XYLT1: variants seen among roughly 807,000 people sequenced by gnomAD.
XYLT1 encodes the protein xylosyltransferase 1.
A neutral mutation model predicts 91.3 loss-of-function variants in XYLT1; 36 were observed. The ratio of observed to expected loss-of-function variants is 0.39; its 90% CI spans 0.30 to 0.52. The LOEUF (loss-of-function observed/expected upper bound fraction) is 0.52. Ranked by LOEUF, XYLT1 falls within the 20% of genes least tolerant of loss-of-function variation. XYLT1 has a pLI of 0.68. For missense variants in XYLT1, 1,242 were observed against 1,284.5 expected (o/e 0.97, Z 0.51); for synonymous variants, 588 against 532.0 (o/e 1.11, Z -1.45).
chr16:17,405,411 G>A (rs894714121), intron 1 of XYLT1, among the ~76,000 whole-genome samples: 19 of 152,282 alleles, frequency 1.2e-4, no homozygotes, highest in South Asian at 4.1e-4. Flanking sequence ...CCACGAGGCC[G>A]GAGCGGCTGA....
intron 1 of XYLT1, among the ~76,000 whole-genome samples, chr16:17,359,253 C>A (rs1308862291): frequency 6.6e-6 from 1 of 152,168 alleles, no homozygotes; most frequent in Non-Finnish European, 1.5e-5. Flanking sequence ...CAGTTTGAAG[C>A]TTTGCTTTGT....
At chr16:17,245,237 C>T (rs2033418001) in intron 3 of XYLT1, among the ~76,000 whole-genome samples, 1 of 152,138 alleles carries the variant, frequency 6.6e-6, no homozygotes, top group African/African-American at 2.4e-5. Context: ...ATTATTTGGG[C>T]AAGTTCTTAA....
At chr16:17,287,939 C>T (rs1477658145) in intron 2 of XYLT1, among the ~76,000 whole-genome samples, 6 of 144,646 alleles carry the variant, frequency 4.1e-5, no homozygotes, top group South Asian at 2.2e-4. Flanking sequence ...CATAATTTTT[C>T]TTTTTTTTTT....
At chr16:17,213,800 A>G (rs1330303091) in intron 3 of XYLT1, among the ~76,000 whole-genome samples, 1 of 151,902 alleles carries the variant, frequency 6.6e-6, no homozygotes, top group Admixed American at 6.6e-5. Context: ...TTGTATTTTT[A>G]GTAGAGACAG....
At chr16:17,112,837 G>A (rs1597126770) in intron 11 of XYLT1, among the ~76,000 whole-genome samples, 1 of 152,152 alleles carries the variant, frequency 6.6e-6, no homozygotes, top group East Asian at 1.9e-4. Context: ...CTATGATAGA[G>A]GATTGATTGA....
intron 1 of XYLT1, among the ~76,000 whole-genome samples, chr16:17,423,264 C>A (rs1360143840): frequency 6.6e-6 from 1 of 152,178 alleles, no homozygotes; most frequent in African/African-American, 2.4e-5. Flanking sequence ...TCCCCAGCAG[C>A]GCCTGATGTT....
intron 2 of XYLT1, among the ~76,000 whole-genome samples, chr16:17,337,796 T>TTG (rs397950983): frequency 5.4e-5 from 8 of 148,144 alleles, no homozygotes; most frequent in Admixed American, 1.4e-4. Context: ...TTTTTTTTTT[T>TTG]GTGAGACAGA....
At chr16:17,264,225 C>T (rs1249644478) in intron 2 of XYLT1, among the ~76,000 whole-genome samples, 1 of 152,172 alleles carries the variant, frequency 6.6e-6, no homozygotes, top group Non-Finnish European at 1.5e-5. Flanking sequence ...ACTCCCCATG[C>T]TCCTCCCCAA....
At chr16:17,146,877 C>A (rs1168898665) in intron 6 of XYLT1, among the ~76,000 whole-genome samples, 1 of 152,154 alleles carries the variant, frequency 6.6e-6, no homozygotes, top group Non-Finnish European at 1.5e-5. Flanking sequence ...ATCAAAAGAC[C>A]CAGCTGTCCT....
At chr16:17,197,196 C>G (rs1263227099) in intron 5 of XYLT1, among the ~76,000 whole-genome samples, 2 of 151,854 alleles carry the variant, frequency 1.3e-5, no homozygotes, top group African/African-American at 4.8e-5. Flanking sequence ...TACAGCTCCA[C>G]TGAACCCTGC....
chr16:17,340,554 A>G (rs888416201), intron 2 of XYLT1, among the ~76,000 whole-genome samples: 4 of 152,230 alleles, frequency 2.6e-5, no homozygotes, highest in African/African-American at 9.6e-5. Context: ...ACTGCACAGA[A>G]TGGTAGTTAA....
chr16:17,295,991 C>T (rs905764402), intron 2 of XYLT1, among the ~76,000 whole-genome samples: 6 of 152,106 alleles, frequency 3.9e-5, no homozygotes. Context: ...TTTCATCTTC[C>T]TCCAAACCAT....
intron 9 of XYLT1, among the ~76,000 whole-genome samples, chr16:17,128,371 G>A (rs8048747): frequency 0.026 from 3,991 of 152,300 alleles, 137 homozygotes; most frequent in East Asian, 0.073. Flanking sequence ...GATTTTGTAT[G>A]TGTTGATGCT....
intron 4 of XYLT1, 49 bp from the exon 5 acceptor site, chr16:17,198,463 C>T: frequency 3.2e-6 from 5 of 1,559,738 alleles, no homozygotes; most frequent in South Asian, 2.4e-5. Flanking sequence ...CTAGAAAATA[C>T]CCAGGCATGC....
intron 5 of XYLT1, among the ~76,000 whole-genome samples, chr16:17,169,439 G>T (rs974207252): frequency 6.6e-6 from 1 of 152,052 alleles, no homozygotes; most frequent in African/African-American, 2.4e-5. Flanking sequence ...GCTTTCACAG[G>T]ACATTTGTAA....
chr16:17,332,860 C>T (rs1485295438), intron 2 of XYLT1, among the ~76,000 whole-genome samples: 2 of 152,030 alleles, frequency 1.3e-5, no homozygotes, highest in African/African-American at 4.8e-5. Context: ...TCCGCAGGAG[C>T]TCCGAATTCT....
At chr16:17,451,664 G>A (rs898511271) in intron 1 of XYLT1, among the ~76,000 whole-genome samples, 1 of 152,164 alleles carries the variant, frequency 6.6e-6, no homozygotes, top group African/African-American at 2.4e-5. Context: ...TTGCTGAGAG[G>A]ACATCAAAGT....
intron 9 of XYLT1, among the ~76,000 whole-genome samples, chr16:17,128,622 A>C (rs1023440034): frequency 6.6e-6 from 1 of 152,186 alleles, no homozygotes; most frequent in Non-Finnish European, 1.5e-5. Context: ...ATCATCTTTA[A>C]CCATGATTGC....
intron 1 of XYLT1, among the ~76,000 whole-genome samples, chr16:17,371,057 C>T (rs879292): frequency 0.26 from 40,265 of 152,088 alleles, 5,822 homozygotes; most frequent in Middle Eastern, 0.34. Flanking sequence ...GAGAGAAGGA[C>T]GGGATATGAA....
Sources: allele counts gnomAD v4.1 joint callset (sites outside exome capture counted in the v4.1 genomes callset), GRCh38; gene constraint gnomAD v4.1.1; transcripts MANE v1.5; gene names NCBI Gene and HGNC (gene_info 2026-07-23, HGNC 2026-07-21).